NRXN3: variants seen among roughly 807,000 people sequenced by gnomAD.
NRXN3 encodes the protein neurexin 3, also known as neurexin III.
Under a neutral mutation model 137.6 loss-of-function variants are expected in NRXN3, and 32 were observed. The observed-to-expected ratio is 0.23, with a 90% CI of 0.18 to 0.31. NRXN3 has a LOEUF of 0.31. NRXN3 is among the 10% of genes least tolerant of loss of function. NRXN3 has a pLI of 1.00. For synonymous variants in NRXN3, 798 were observed against 784.5 expected (o/e 1.02, Z -0.29); for missense variants, 1,574 against 2,062.5 (o/e 0.76, Z 4.59).
At chr14:79,071,047 C>G (rs1322462259) in intron 15 of NRXN3, among the ~76,000 whole-genome samples, 1 of 152,064 alleles carries the variant, frequency 6.6e-6, no homozygotes, top group Non-Finnish European at 1.5e-5. Context: ...GATTTATTAG[C>G]TCTAAGGATT....
At chr14:79,412,666 C>T (rs906542598) in intron 15 of NRXN3, among the ~76,000 whole-genome samples, 31 of 150,634 alleles carry the variant, frequency 2.1e-4, no homozygotes, top group African/African-American at 6.6e-4. Flanking sequence ...AATCCCAATC[C>T]CAGCTACTAG....
chr14:78,845,688 A>G (rs771799490), intron 10 of NRXN3, among the ~76,000 whole-genome samples: 55 of 152,040 alleles, frequency 3.6e-4, no homozygotes, highest in Non-Finnish European at 6.9e-4. Flanking sequence ...TTCCAACTCT[A>G]ATATTCTGTG....
intron 15 of NRXN3, among the ~76,000 whole-genome samples, chr14:79,385,406 T>C (rs1193500789): frequency 2.0e-5 from 3 of 152,080 alleles, no homozygotes; most frequent in Non-Finnish European, 4.4e-5. Flanking sequence ...TTTTTATGGC[T>C]GCATAGTATT....
intron 4 of NRXN3, among the ~76,000 whole-genome samples, chr14:78,530,882 C>T (rs1481511414): frequency 6.6e-6 from 1 of 152,174 alleles, no homozygotes; most frequent in African/African-American, 2.4e-5. Context: ...CCACCCCTGC[C>T]TTTCCTAAGA....
intron 19 of NRXN3, among the ~76,000 whole-genome samples, chr14:79,780,704 T>C (rs1475192107): frequency 6.6e-6 from 1 of 152,174 alleles, no homozygotes; most frequent in Non-Finnish European, 1.5e-5. Context: ...TTCCATAAAA[T>C]AAATTTTCTA....
chr14:79,090,859 A>G (rs2049027858), intron 15 of NRXN3, among the ~76,000 whole-genome samples: 1 of 152,092 alleles, frequency 6.6e-6, no homozygotes, highest in Admixed American at 6.6e-5. Context: ...GTTGACTGAA[A>G]ATTTCCCAGC....
intron 10 of NRXN3, among the ~76,000 whole-genome samples, chr14:78,855,804 G>A (rs1241974445): frequency 2.0e-5 from 3 of 152,028 alleles, no homozygotes; most frequent in African/African-American, 7.2e-5. Context: ...TTCTTATTAG[G>A]CATTCTAAGG....
intron 16 of NRXN3, among the ~76,000 whole-genome samples, chr14:79,597,764 C>T (rs1260635472): frequency 6.6e-6 from 1 of 151,958 alleles, no homozygotes; most frequent in Non-Finnish European, 1.5e-5. Flanking sequence ...ATGGAACTTA[C>T]GTAGCTGATT....
At chr14:78,522,057 A>G (rs1015395839) in intron 4 of NRXN3, among the ~76,000 whole-genome samples, 1 of 152,182 alleles carries the variant, frequency 6.6e-6, no homozygotes, top group Admixed American at 6.5e-5. Flanking sequence ...TTTTCAAAGT[A>G]GAGCATTTCT....
chr14:78,529,482 C>A (rs2096430164), intron 4 of NRXN3, among the ~76,000 whole-genome samples: 1 of 152,036 alleles, frequency 6.6e-6, no homozygotes, highest in Non-Finnish European at 1.5e-5. Flanking sequence ...TCTCGGACAC[C>A]CTTTTGATTT....
At chr14:78,513,249 T>C (rs544148586) in intron 4 of NRXN3, among the ~76,000 whole-genome samples, 1 of 152,318 alleles carries the variant, frequency 6.6e-6, no homozygotes, top group Admixed American at 6.5e-5. Flanking sequence ...ATTAATATTG[T>C]ATTTATTAGG....
At chr14:78,564,877 C>T (rs2096823295) in intron 4 of NRXN3, among the ~76,000 whole-genome samples, 1 of 152,090 alleles carries the variant, frequency 6.6e-6, no homozygotes, top group African/African-American at 2.4e-5. Context: ...ATTTTTGATT[C>T]CTGCTCAGGG....
At chr14:79,452,682 G>T (rs1474844693) in intron 15 of NRXN3, among the ~76,000 whole-genome samples, 4 of 152,174 alleles carry the variant, frequency 2.6e-5, no homozygotes, top group Non-Finnish European at 5.9e-5. Context: ...ACTTTCAAAG[G>T]AGGAAGAGGT....
intron 20 of NRXN3, among the ~76,000 whole-genome samples, chr14:79,848,156 T>A (rs2099384262): frequency 6.6e-6 from 1 of 152,192 alleles, no homozygotes; most frequent in Non-Finnish European, 1.5e-5. Context: ...TTCTAAAAAC[T>A]ATTTTTTGCT....
chr14:79,187,804 CG>C (rs2063717982), intron 15 of NRXN3, among the ~76,000 whole-genome samples: 1 of 152,122 alleles, frequency 6.6e-6, no homozygotes, highest in Admixed American at 6.5e-5. Context: ...TTGGATGAGA[CG>C]GAAGATGCTC....
intron 15 of NRXN3, among the ~76,000 whole-genome samples, chr14:79,140,497 C>G (rs1460567425): frequency 2.6e-5 from 4 of 151,838 alleles, no homozygotes; most frequent in African/African-American, 9.7e-5. Flanking sequence ...CATTATACCT[C>G]CTGAGTATAA....
At chr14:78,225,787 C>T (rs2064475163) in intron 1 of NRXN3, among the ~76,000 whole-genome samples, 1 of 152,114 alleles carries the variant, frequency 6.6e-6, no homozygotes, top group Non-Finnish European at 1.5e-5. Context: ...TGCTGGGACA[C>T]CTCCCCTGTG....
At chr14:78,557,928 G>T (rs1376002218) in intron 4 of NRXN3, among the ~76,000 whole-genome samples, 2 of 152,180 alleles carry the variant, frequency 1.3e-5, no homozygotes, top group Non-Finnish European at 2.9e-5. Flanking sequence ...TGTTCTAGGA[G>T]TCTTAAGAAT....
intron 4 of NRXN3, among the ~76,000 whole-genome samples, chr14:78,351,590 G>C (rs1421490528): frequency 6.6e-6 from 1 of 151,966 alleles, no homozygotes; most frequent in Non-Finnish European, 1.5e-5. Flanking sequence ...CTGGGTATTG[G>C]TCTTGAGGTT....
Sources: allele counts gnomAD v4.1 joint callset (sites outside exome capture counted in the v4.1 genomes callset), GRCh38; gene constraint gnomAD v4.1.1; transcripts MANE v1.5; gene names NCBI Gene and HGNC (gene_info 2026-07-23, HGNC 2026-07-21).